Variants in REXO4 observed in about 807,000 individuals in gnomAD.
REXO4 encodes RNA exonuclease 4.
REXO4 carries 29 observed loss-of-function variants against 39.9 expected under a neutral mutation model. The ratio of observed to expected loss-of-function variants is 0.73; its 90% CI spans 0.54 to 0.99. The LOEUF (loss-of-function observed/expected upper bound fraction) is 0.99. REXO4 is among the 50% of genes least tolerant of loss of function. The probability of loss-of-function intolerance (pLI) is 0.00; values close to 1 mark genes in which losing one functional copy is unlikely to be tolerated. For missense variants in REXO4, 524 were observed against 546.5 expected (o/e 0.96, Z 0.41); for synonymous variants, 184 against 206.2 (o/e 0.89, Z 0.92).
intron 5 of REXO4, 96 bp downstream of exon 5, chr9:133,410,889 A>G (rs1839173500): frequency 1.1e-6 from 1 of 874,974 alleles, no homozygotes; most frequent in Admixed American, 1.8e-5. Flanking sequence ...TAGAGCACAA[A>G]CCCACACATT....
At chr9:133,411,783 G>A (rs946357106) in intron 4 of REXO4, among the ~76,000 whole-genome samples, 5 of 151,830 alleles carry the variant, frequency 3.3e-5, no homozygotes, top group Admixed American at 6.6e-5. Context: ...AAAATTAGTC[G>A]GGTGTGGTGG....
At chr9:133,413,347 C>T (rs1451038864) in intron 2 of REXO4, among the ~76,000 whole-genome samples, 1 of 152,196 alleles carries the variant, frequency 6.6e-6, no homozygotes, top group African/African-American at 2.4e-5. Flanking sequence ...AGTGATCCAC[C>T]TGCCTCGGCC....
Position 133,406,616 on chromosome 9 carries a change from G to T in REXO4, c.*337C>A, listed in dbSNP as rs1450605343. ...CTCACCCCAGGGTGTCACCGAAGATGGGCAGTGACAGCACCGTATGGACTG... is the reference window on the plus strand; with the variant it reads ...CTCACCCCAGGGTGTCACCGAAGATTGGCAGTGACAGCACCGTATGGACTG... On this transcript the variant is annotated 3_prime_UTR_variant, in exon 8 of 8. Transcript: ENST00000371942. The T allele has an allele frequency of 1.2e-5, 4 of 323,578 alleles. No homozygotes were observed. The highest frequency in any genetic ancestry group is 2.1e-5 in the African/African-American group (1 of 47,786). The allele number at this position is 323,578 out of a possible 1,614,324, so 20.0% of individuals were successfully genotyped here. A position where few individuals can be genotyped will look rare whatever the true frequency, so the allele number is the denominator to read the frequency against.
chr9:133,412,375 C>T lies in REXO4; in HGVS notation c.834G>A (p.Lys278=). The change falls in exon 4 of 8, where the codon AAG becomes AAA. Residue 278 remains lysine, a synonymous_variant. Transcript: ENST00000371942. The stretch of plus-strand genomic sequence containing the variant: ...TCACGGGCTCGGTTGGTTTGACGTA[C>T]TTGTCATAAACGCACTTCCCATACT... ...VNQYGKCVYD[K]YVKPTEPVTD... is the part of the protein sequence containing the mutation. The T allele has an allele frequency of 6.2e-7, 1 of 1,614,144 alleles. No individual in the cohort carries two copies. The highest frequency in any genetic ancestry group is 8.5e-7 in the Non-Finnish European group (1 of 1,180,042).
At chr9:133,408,457 T>TA (rs35773096) in intron 6 of REXO4, among the ~76,000 whole-genome samples, 149 of 134,076 alleles carry the variant, frequency 1.1e-3, no homozygotes, top group Middle Eastern at 3.8e-3. Flanking sequence ...AGACCCTGTC[T>TA]AAAAAAAAAA....
chr9:133,412,353 C>T lies in REXO4; in HGVS notation c.856G>A (p.Val286Met), dbSNP rs782390204. The change falls in exon 4 of 8, where the codon GTG (valine) becomes ATG (methionine). Residue 286 changes from valine to methionine, a missense_variant. Physicochemically the swap from Val to Met is conservative, Grantham distance 21 (BLOSUM62 1). Transcript: ENST00000371942. ...YDKYVKPTEP[V>M]TDYRTAVSGI... is the part of the protein sequence containing the mutation. ...CTGACCGCTGTCCTATAGTCCGTCA[C>T]GGGCTCGGTTGGTTTGACGTACTTG... The T allele has an allele frequency of 9.3e-6, 15 of 1,613,988 alleles. No homozygotes were observed. Among genetic ancestry groups the T allele is most frequent in the South Asian group, 2.2e-5 (2 of 91,090 alleles).
chr9:133,410,944 G>A (rs782023332), intron 5 of REXO4, 41 bp downstream of exon 5: 14 of 1,481,392 alleles, frequency 9.5e-6, no homozygotes, highest in Admixed American at 1.7e-5. Flanking sequence ...TAACACCCAC[G>A]GAGCAGGGGC....
In REXO4 at chr9:133,407,039, C is replaced by CGT; in HGVS notation, c.1181_1182dup (p.Val395ThrfsTer4). 1 of 1,613,402 alleles carries CGT rather than the reference C, an allele frequency of 6.2e-7. No individual in the cohort carries two copies. Among genetic ancestry groups the CGT allele is most frequent in the East Asian group, 2.2e-5 (1 of 44,864 alleles). ...CTCTCCCACTCCTTCTTCACCATGA[C>CGT]GTACAGCCTCATTGCTGCCTGGGCA... is the stretch of plus-strand genomic sequence containing the variant. On this transcript the variant is annotated frameshift_variant, in exon 8 of 8. Coordinates refer to ENST00000371942, the MANE Select transcript of REXO4 (RefSeq NM_020385.4). LOFTEE classifies it low-confidence loss of function (END_TRUNC).
In REXO4 at chr9:133,406,733, C is replaced by CCTGACCATCCGGGCCCAAACA; in HGVS notation, c.*199_*219dup. 1.5e-6 allele frequency: 1 copy of CCTGACCATCCGGGCCCAAACA among 661,338 alleles called. No individual in the cohort carries two copies. The highest frequency in any genetic ancestry group is 2.5e-6 in the Non-Finnish European group (1 of 401,238). The allele number at this position is 661,338 out of a possible 1,614,324, so 41.0% of individuals were successfully genotyped here. A position where few individuals can be genotyped will look rare whatever the true frequency, so the allele number is the denominator to read the frequency against. ...GCCCATGGCCGTCCCTGCTCCCCAC[C>CCTGACCATCCGGGCCCAAACA]CTGACCATCCGGGCCCAAACACACA... On this transcript the variant is annotated 3_prime_UTR_variant, in exon 8 of 8. Transcript: ENST00000371942.
chr9:133,410,989 AG>A lies in REXO4; in HGVS notation c.994del (p.Leu332Ter). The A allele has an allele frequency of 6.2e-7, 1 of 1,613,552 alleles. No homozygotes were observed. Among genetic ancestry groups the A allele is most frequent in the East Asian group, 2.2e-5 (1 of 44,894 alleles). On this transcript the variant is annotated frameshift_variant, in exon 5 of 8. Transcript: ENST00000371942. LOFTEE classifies it high-confidence loss of function. ...CCCCAGGAGAGAGCCCAGTACCTTT[AG>A]GTCATTATGCAGAGCGTGCCCCACT... The part of the protein sequence containing the change: ...ILVGHALHND[L>X]KVLFLDHPKK...
intron 4 of REXO4, 23 bp from the exon 5 acceptor site, chr9:133,411,096 C>G (rs368963737): frequency 6.2e-7 from 1 of 1,602,184 alleles, no homozygotes; most frequent in Non-Finnish European, 8.6e-7. Flanking sequence ...CACAAAGAAG[C>G]GGTTTTTTGC....
rs1324991142 is a variant in REXO4 at position 133,412,803 on chromosome 9, G to A, written c.691C>T (p.Leu231Phe). 6.2e-7 allele frequency: 1 copy of A among 1,613,334 alleles called. No individual in the cohort carries two copies. Among genetic ancestry groups the A allele is most frequent in the African/African-American group, 1.3e-5 (1 of 74,946 alleles). ...CCGCCGAAGGCCTGCTCTTTCACGA[G>A]GCTGAGGCTGACGCTGCCCTCGCTC... Reference protein sequence around the residue: ...GQSEGSVSLSLVKEQAFGGLT... With the variant: ...GQSEGSVSLSFVKEQAFGGLT... Residue 231 changes from leucine (L) to phenylalanine (F), a missense_variant, in exon 3 of 8, where the codon CTC (leucine) becomes TTC (phenylalanine). Transcript: ENST00000371942.
At chr9:133,414,471 CG>C (rs1839433201) in intron 2 of REXO4, 193 bp downstream of exon 2, 1 of 707,142 alleles carries the variant, frequency 1.4e-6, no homozygotes, top group African/African-American at 1.7e-5. Flanking sequence ...GCTCAACGCT[CG>C]GAAGAAGCAG....
In REXO4 at chr9:133,410,549, G is replaced by A. The variant is rs1055850890; in HGVS notation, c.999+436C>T. ...CCCCAGGCGGGATTTTCCTCGGGAC[G>A]CCAGAAAGAAGGCAAAGGCAAGCTC... is the stretch of plus-strand genomic sequence containing the variant. On this transcript the variant is annotated intron_variant, in intron 5 of 7. Transcript: ENST00000371942. 2.0e-5 allele frequency among the ~76,000 whole-genome samples: 3 copies of A among 152,194 alleles called. No individual in the cohort carries two copies. The South Asian group carries it at 6.2e-4, about 31-fold the overall frequency.
At chr9:133,407,772 CA>C (rs1554779225) in intron 7 of REXO4, 34 bp downstream of exon 7, 1 of 1,596,366 alleles carries the variant, frequency 6.3e-7, no homozygotes, top group Non-Finnish European at 8.6e-7. Context: ...GAAACCGCCC[CA>C]AACCCCATGA....
At chr9:133,407,971 C>T in intron 6 of REXO4, 90 bp from the exon 7 acceptor site, 5 of 1,009,046 alleles carry the variant, frequency 5.0e-6, no homozygotes, top group Non-Finnish European at 6.0e-6. Flanking sequence ...GGCTACTGAA[C>T]CTCACCCAAG....
At position 133,407,003 on chromosome 9, in the gene REXO4, C is replaced by T. The variant is rs1554778983; in HGVS notation, c.1219G>A (p.Asp407Asn). ...GGAGCAGTCAGCAGGGGGCGCCTGT[C>T]TCGGGCCATGCTCTCCCACTCCTTC... ...VKKEWESMAR[D>N]RRPLLTAPDH... Residue 407 changes from aspartate to asparagine, a missense_variant, in exon 8 of 8, where the codon GAC (aspartate) becomes AAC (asparagine). By Grantham distance (23) the Asp-to-Asn change is conservative. Transcript: ENST00000371942. 4.3e-6 allele frequency: 7 copies of T among 1,613,054 alleles called. No homozygotes were observed. The highest frequency in any genetic ancestry group is 5.9e-6 in the Non-Finnish European group (7 of 1,180,016).
intron 7 of REXO4, 126 bp downstream of exon 7, chr9:133,407,681 A>G (rs1838975319): frequency 1.3e-5 from 8 of 626,616 alleles, no homozygotes; most frequent in Middle Eastern, 2.6e-4. Flanking sequence ...TTTTTGACCA[A>G]TAGCCTCGTA....
chr9:133,407,290 C>G (rs1838940179), intron 7 of REXO4, among the ~76,000 whole-genome samples: 1 of 152,146 alleles, frequency 6.6e-6, no homozygotes. Flanking sequence ...ACTCAGACAC[C>G]CCTCCCAGGA....
Sources: gnomAD v4.1 joint callset for allele counts (sites outside exome capture counted in the v4.1 genomes callset) on GRCh38, gnomAD v4.1.1 for gene constraint, MANE v1.5 for transcripts, NCBI Gene and HGNC (gene_info 2026-07-23, HGNC 2026-07-21) for gene names.